Variants in GTF2I observed in about 807,000 individuals in gnomAD.
GTF2I encodes the protein general transcription factor IIi.
Under a neutral mutation model 67.6 loss-of-function variants are expected in GTF2I, and 12 were observed. The ratio of observed to expected loss-of-function variants is 0.18; its 90% CI spans 0.11 to 0.29. The LOEUF is 0.29. Ranked by LOEUF, GTF2I falls within the 10% of genes least tolerant of loss-of-function variation. GTF2I has a pLI of 1.00. For missense variants in GTF2I, 271 were observed against 580.1 expected, an observed-to-expected ratio of 0.47 and a Z score of 5.47; for synonymous variants, 149 against 197.0, an observed-to-expected ratio of 0.76 and a Z score of 2.04.
At chr7:74,704,647 C>T (rs933333774) in intron 6 of GTF2I, among the ~76,000 whole-genome samples, 7 of 151,756 alleles carry the variant, frequency 4.6e-5, no homozygotes, top group Non-Finnish European at 8.8e-5. Flanking sequence ...GCCAGGAGTT[C>T]GAGATAAGCC....
chr7:74,667,461 G>A (rs587752795), intron 1 of GTF2I, among the ~76,000 whole-genome samples: 68 of 152,224 alleles, frequency 4.5e-4, no homozygotes, highest in Non-Finnish European at 7.6e-4. Flanking sequence ...TTTTGTTGTT[G>A]TCGTTGTTGT....
chr7:74,688,518 G>T (rs1278561077), intron 1 of GTF2I, among the ~76,000 whole-genome samples: 2 of 152,014 alleles, frequency 1.3e-5, no homozygotes, highest in Non-Finnish European at 2.9e-5. Flanking sequence ...GTGCAGTGCT[G>T]CGATCTCCGC....
intron 1 of GTF2I, among the ~76,000 whole-genome samples, chr7:74,675,024 T>C (rs1805776005): frequency 6.6e-6 from 1 of 151,930 alleles, no homozygotes; most frequent in African/African-American, 2.4e-5. Flanking sequence ...AGCCAATTTT[T>C]GTATTTTTAG....
At chr7:74,670,734 C>A (rs377359810) in intron 1 of GTF2I, among the ~76,000 whole-genome samples, 16 of 144,596 alleles carry the variant, frequency 1.1e-4, no homozygotes, top group African/African-American at 3.8e-4. Flanking sequence ...ACCTCAAGAA[C>A]AAAGTAAAGA....
At chr7:74,663,646 A>T (rs995290688) in intron 1 of GTF2I, among the ~76,000 whole-genome samples, 1 of 152,132 alleles carries the variant, frequency 6.6e-6, no homozygotes, top group Non-Finnish European at 1.5e-5. Context: ...TAGAAAATAC[A>T]CCTAATCAGT....
intron 1 of GTF2I, among the ~76,000 whole-genome samples, chr7:74,683,881 C>T (rs200306816): frequency 7.1e-4 from 108 of 152,144 alleles, no homozygotes; most frequent in African/African-American, 2.5e-3. Flanking sequence ...AACTTAAAAA[C>T]TCGTACCTAG....
chr7:74,717,491 C>A (rs1792403606), intron 11 of GTF2I, among the ~76,000 whole-genome samples: 1 of 152,058 alleles, frequency 6.6e-6, no homozygotes, highest in Admixed American at 6.6e-5. Context: ...AGGTACAGTT[C>A]TTTTTGTTTA....
chr7:74,729,884 C>G (rs1173281955), intron 13 of GTF2I, among the ~76,000 whole-genome samples: 2 of 151,460 alleles, frequency 1.3e-5, no homozygotes, highest in East Asian at 3.9e-4. Flanking sequence ...AGACCTTTAT[C>G]GTGGTCTCCC....
At chr7:74,700,154 T>C (rs1220726509) in intron 4 of GTF2I, 93 bp from the exon 5 acceptor site, 5 of 1,256,568 alleles carry the variant, frequency 4.0e-6, no homozygotes, top group Non-Finnish European at 5.7e-6. Context: ...TAAAAAATCA[T>C]GGATGCCCTT....
chr7:74,714,805 C>A (rs1792050265), intron 9 of GTF2I, 52 bp from the exon 10 acceptor site: 3 of 1,263,526 alleles, frequency 2.4e-6, no homozygotes, highest in African/African-American at 1.5e-5. Context: ...AGTCACCCCA[C>A]ATTTTTTTTT....
intron 1 of GTF2I, among the ~76,000 whole-genome samples, chr7:74,671,658 T>A (rs1204244415): frequency 6.6e-6 from 1 of 152,090 alleles, no homozygotes; most frequent in East Asian, 1.9e-4. Flanking sequence ...CAATTTTGTA[T>A]CTTAAAATGT....
intron 1 of GTF2I, among the ~76,000 whole-genome samples, chr7:74,680,165 C>T (rs941860553): frequency 5.8e-5 from 8 of 138,128 alleles, no homozygotes; most frequent in Non-Finnish European, 9.2e-5. Context: ...TATATACACA[C>T]ATATATATAA....
intron 7 of GTF2I, among the ~76,000 whole-genome samples, 180 bp from the exon 8 acceptor site, chr7:74,706,210 G>T (rs1348863697): frequency 6.6e-6 from 1 of 152,218 alleles, no homozygotes; most frequent in African/African-American, 2.4e-5. Context: ...GAGCCACTGT[G>T]CCCGGCCCAA....
At chr7:74,693,265 ATTTTTTTTT>A (rs1158949751) in intron 3 of GTF2I, among the ~76,000 whole-genome samples, 1 of 83,004 alleles carries the variant, frequency 1.2e-5, no homozygotes, top group Non-Finnish European at 2.4e-5. Context: ...CTGTAGTGGA[ATTTTTTTTT>A]TTTTTTTTTT....
chr7:74,700,878 C>T (rs1338506125), intron 6 of GTF2I, among the ~76,000 whole-genome samples: 1 of 152,206 alleles, frequency 6.6e-6, no homozygotes, highest in Non-Finnish European at 1.5e-5. Flanking sequence ...CCTCACTTAC[C>T]AGAATTATGA....
intron 7 of GTF2I, 147 bp from the exon 8 acceptor site, chr7:74,706,243 T>G: frequency 1.5e-6 from 1 of 656,688 alleles, no homozygotes; most frequent in Admixed American, 2.5e-5. Context: ...ATGCAATAAA[T>G]AAATATGTCA....
rs587615368 is a variant in GTF2I at position 74,677,377 on chromosome 7, G to A, written c.-5-11747G>A. 2.6e-5 allele frequency among the ~76,000 whole-genome samples: 4 copies of A among 152,128 alleles called. No homozygotes were observed. In the South Asian group the frequency reaches 8.3e-4, roughly 32 times the overall value. ...TGAGATGTCACTAATTTTTCCCTTG[G>A]CATTAAGCGATACATGAATTCATTT... On this transcript the variant is annotated intron_variant, in intron 1 of 34. Transcript: ENST00000573035.
intron 1 of GTF2I, among the ~76,000 whole-genome samples, chr7:74,688,113 C>G (rs1005053844): frequency 1.3e-5 from 2 of 152,118 alleles, no homozygotes; most frequent in Non-Finnish European, 2.9e-5. Context: ...CAGGCTCACT[C>G]TGTCACCAAG....
At chr7:74,694,376 C>T (rs1465461174) in intron 3 of GTF2I, among the ~76,000 whole-genome samples, 2 of 152,192 alleles carry the variant, frequency 1.3e-5, no homozygotes, top group Non-Finnish European at 2.9e-5. Flanking sequence ...CGTCTGAGCT[C>T]AGGAGTTCAA....
Sources: allele counts gnomAD v4.1 joint callset (sites outside exome capture counted in the v4.1 genomes callset), GRCh38; gene constraint gnomAD v4.1.1; transcripts MANE v1.5; gene names NCBI Gene and HGNC (gene_info 2026-07-23, HGNC 2026-07-21).